CFAP206: variants seen among roughly 807,000 people sequenced by gnomAD.
CFAP206 encodes cilia and flagella associated protein 206.
CFAP206 carries 53 observed loss-of-function variants against 65.4 expected under a neutral mutation model. The ratio of observed to expected loss-of-function variants is 0.81; its 90% CI spans 0.65 to 1.02. The LOEUF (loss-of-function observed/expected upper bound fraction) is 1.02. CFAP206 is among the 50% of genes least tolerant of loss of function. The pLI, the probability that CFAP206 is intolerant of heterozygous loss-of-function variation, is 0.00. For missense variants in CFAP206, 663 were observed against 753.2 expected (o/e 0.88, Z 1.40); for synonymous variants, 250 against 254.4 (o/e 0.98, Z 0.17).
At chr6:87,460,040 T>C (rs751301583) in intron 11 of CFAP206, among the ~76,000 whole-genome samples, 37 of 152,328 alleles carry the variant, frequency 2.4e-4, no homozygotes, top group Non-Finnish European at 4.3e-4. Flanking sequence ...ATTTTTAAAA[T>C]CTACCTAAAT....
At chr6:87,432,069 C>G (rs924927494) in intron 10 of CFAP206, among the ~76,000 whole-genome samples, 2 of 152,108 alleles carry the variant, frequency 1.3e-5, no homozygotes, top group Admixed American at 6.5e-5. Context: ...TAAGAAAAAG[C>G]CTGCCAGGGC....
At chr6:87,425,464 C>A (rs1290795176) in intron 7 of CFAP206, among the ~76,000 whole-genome samples, 1 of 152,104 alleles carries the variant, frequency 6.6e-6, no homozygotes, top group African/African-American at 2.4e-5. Flanking sequence ...TACAATGGCA[C>A]AAATATAGCT....
chr6:87,459,328 C>T (rs1768702013), intron 11 of CFAP206, among the ~76,000 whole-genome samples: 1 of 152,018 alleles, frequency 6.6e-6, no homozygotes, highest in Non-Finnish European at 1.5e-5. Context: ...TCTTTTTATC[C>T]TTCTATTTCT....
At chr6:87,457,133 G>C (rs1287769559) in intron 11 of CFAP206, among the ~76,000 whole-genome samples, 5 of 128,868 alleles carry the variant, frequency 3.9e-5, no homozygotes, top group African/African-American at 1.5e-4. Flanking sequence ...CTGGGCGACA[G>C]AGTGAGACAA....
chr6:87,461,253 T>C, intron 12 of CFAP206, 88 bp downstream of exon 12: 3 of 868,266 alleles, frequency 3.5e-6, no homozygotes, highest in Non-Finnish European at 4.9e-6. Flanking sequence ...AAATTATTTA[T>C]ATAAAATAAT....
intron 11 of CFAP206, among the ~76,000 whole-genome samples, chr6:87,454,770 G>A (rs1399909368): frequency 2.7e-5 from 4 of 148,100 alleles, no homozygotes; most frequent in East Asian, 4.0e-4. Context: ...GCTTGAACCC[G>A]GGAGGCAGAG....
Position 87,431,161 on chromosome 6 carries a change from C to G in CFAP206, c.1288C>G (p.Leu430Val). Residue 430 changes from leucine (L) to valine (V), a missense_variant, in exon 10 of 13, where the codon CTT becomes GTT. Transcript: ENST00000369562. ...CAYTFAATDGLLLPGNPAIGI... is the reference protein window; with the variant it reads ...CAYTFAATDGVLLPGNPAIGI... ...TTACACGTTTGCTGCAACAGATGGT[C>G]TTCTCCTTCCAGGTATATCATTGGA... 6.2e-7 allele frequency: 1 copy of G among 1,613,690 alleles called. No individual in the cohort carries two copies. The highest frequency in any genetic ancestry group is 8.5e-7 in the Non-Finnish European group (1 of 1,179,820).
chr6:87,413,987 A>C, intron 4 of CFAP206, 87 bp downstream of exon 4: 2 of 581,448 alleles, frequency 3.4e-6, no homozygotes, highest in Non-Finnish European at 5.6e-6. Flanking sequence ...CAATGAATTT[A>C]ATTGTTTAAT....
chr6:87,430,506 T>A (rs1181550467), intron 9 of CFAP206, among the ~76,000 whole-genome samples: 2 of 152,220 alleles, frequency 1.3e-5, no homozygotes, highest in Non-Finnish European at 2.9e-5. Flanking sequence ...GCTCAGAACC[T>A]TCTCTGTTGT....
intron 10 of CFAP206, among the ~76,000 whole-genome samples, chr6:87,432,556 CA>C (rs10715698): frequency 0.61 from 92,496 of 151,862 alleles, 28,608 homozygotes; most frequent in African/African-American, 0.7. Context: ...GCAGAGGAAG[CA>C]ATGATATGGT....
intron 7 of CFAP206, among the ~76,000 whole-genome samples, chr6:87,420,505 G>A (rs13217637): frequency 0.038 from 5,743 of 152,284 alleles, 132 homozygotes; most frequent in Middle Eastern, 0.078. Flanking sequence ...TTCTAATCAT[G>A]ACTTTGCCAC....
At chr6:87,455,035 GC>G (rs1385716629) in intron 11 of CFAP206, among the ~76,000 whole-genome samples, 1 of 151,416 alleles carries the variant, frequency 6.6e-6, no homozygotes, top group Non-Finnish European at 1.5e-5. Context: ...TGATTCTCCT[GC>G]CTCAGCCTCC....
chr6:87,415,914 A>C, intron 5 of CFAP206, 40 bp downstream of exon 5: 3 of 1,350,156 alleles, frequency 2.2e-6, no homozygotes, highest in Non-Finnish European at 3.0e-6. Flanking sequence ...AAGTGAAAAT[A>C]TATGGTCATT....
chr6:87,444,335 A>T, intron 11 of CFAP206: 1 of 217,058 alleles, frequency 4.6e-6, no homozygotes, highest in Non-Finnish European at 9.7e-6. Context: ...TTGTTGCAAC[A>T]TGCATTAGGT....
intron 9 of CFAP206, among the ~76,000 whole-genome samples, chr6:87,430,084 T>C (rs1204622017): frequency 1.3e-5 from 2 of 152,228 alleles, no homozygotes; most frequent in Admixed American, 1.3e-4. Context: ...AGAACACTAT[T>C]AAATTACCAC....
chr6:87,409,807 T>C (rs1388430258), intron 1 of CFAP206, 28 bp from the exon 2 acceptor site: 2 of 1,494,976 alleles, frequency 1.3e-6, no homozygotes, highest in Admixed American at 3.9e-5. Flanking sequence ...ACCACGGTTT[T>C]TTTAAAAAAA....
At chr6:87,462,690 C>T (rs1768767140) in intron 12 of CFAP206, among the ~76,000 whole-genome samples, 1 of 152,046 alleles carries the variant, frequency 6.6e-6, no homozygotes, top group Non-Finnish European at 1.5e-5. Flanking sequence ...ATAGAGGTGA[C>T]AGCATAGGTA....
chr6:87,445,468 G>A (rs1768427323), intron 11 of CFAP206, among the ~76,000 whole-genome samples: 1 of 152,012 alleles, frequency 6.6e-6, no homozygotes, highest in African/African-American at 2.4e-5. Context: ...TTGGTTTGCT[G>A]TTCCTGCGTT....
intron 8 of CFAP206, among the ~76,000 whole-genome samples, chr6:87,427,487 A>G (rs1768064091): frequency 6.6e-6 from 1 of 152,230 alleles, no homozygotes. Context: ...AACTTTCTGC[A>G]GTCATCCCCA....
Sources: gnomAD v4.1 joint callset for allele counts (sites outside exome capture counted in the v4.1 genomes callset) on GRCh38, gnomAD v4.1.1 for gene constraint, MANE v1.5 for transcripts, NCBI Gene and HGNC (gene_info 2026-07-23, HGNC 2026-07-21) for gene names.